KHDC4: variants seen among roughly 807,000 people sequenced by gnomAD.
KHDC4 encodes the protein KH homology domain-containing protein 4.
A neutral mutation model predicts 74.5 loss-of-function variants in KHDC4; 19 were observed. The ratio of observed to expected loss-of-function variants is 0.26; its 90% CI spans 0.18 to 0.37. The LOEUF is 0.37. KHDC4 is among the 10% of genes least tolerant of loss of function. The pLI, the probability that KHDC4 is intolerant of heterozygous loss-of-function variation, is 1.00. For synonymous variants in KHDC4, 253 were observed against 266.1 expected (o/e 0.95, Z 0.48); for missense variants, 632 against 754.1 (o/e 0.84, Z 1.90).
rs1446780464 is a variant in KHDC4, at chr1:155,913,798, C to T, written c.*323G>A. ...TTATGTCAGAACTGGGGCTATTCAC[C>T]TGGAAAAGGCTGACCAGGTCAAATG... On this transcript the variant is annotated 3_prime_UTR_variant, in exon 14 of 14. Transcript: ENST00000368321. The T allele has an allele frequency of 3.9e-6, 1 of 253,954 alleles. No homozygotes were observed. The highest frequency in any genetic ancestry group is 8.4e-5 in the East Asian group (1 of 11,922). The allele number at this position is 253,954 out of a possible 1,614,324, so 15.7% of individuals were successfully genotyped here.
rs1481339650 is a variant in KHDC4, at chr1:155,926,724, G to A, written c.633C>T (p.Ile211=). The A allele has an allele frequency of 5.6e-6, 9 of 1,614,058 alleles. No individual in the cohort carries two copies. Among genetic ancestry groups the A allele is most frequent in the African/African-American group, 1.3e-5 (1 of 74,916 alleles). Residue 211 remains isoleucine (I), a synonymous_variant, in exon 6 of 14, where the codon ATC becomes ATT. Transcript: ENST00000368321. ...GGCTAACAGCTGGAGACAACTGAGC[G>A]ATGGGTGCTGGCTGGTGATAGACAG... The part of the protein sequence containing the change: ...TVTVYHQPAP[I]AQLSPAVSQK...
At chr1:155,929,273 A>C (rs1475736059) in intron 4 of KHDC4, 23 bp downstream of exon 4, 2 of 1,565,476 alleles carry the variant, frequency 1.3e-6, no homozygotes, top group Non-Finnish European at 8.8e-7. Flanking sequence ...ACCCTTCCAT[A>C]AACAAGATAA....
intron 6 of KHDC4, 115 bp downstream of exon 6, chr1:155,926,560 AC>A: frequency 8.7e-7 from 1 of 1,151,776 alleles, no homozygotes; most frequent in South Asian, 1.3e-5. Context: ...CAAATGATCC[AC>A]CCACCTTGGC....
intron 11 of KHDC4, chr1:155,917,003 A>G (rs1189314025): frequency 3.4e-6 from 1 of 296,406 alleles, no homozygotes; most frequent in Admixed American, 4.6e-5. Context: ...ACTAGTTTCT[A>G]TAAACCTAGC....
chr1:155,915,040 T>C (rs1481703213), intron 13 of KHDC4: 1 of 152,202 alleles, frequency 6.6e-6, no homozygotes, highest in Non-Finnish European at 1.5e-5. Flanking sequence ...TTAAAACTAT[T>C]TTCTCTCTCT....
Position 155,926,698 on chromosome 1 carries a change from T to G in KHDC4, c.659A>C (p.Gln220Pro), listed in dbSNP as rs146761330. 3.1e-6 allele frequency: 5 copies of G among 1,614,096 alleles called. No individual in the cohort carries two copies. In the African/African-American group the frequency reaches 6.7e-5, roughly 22 times the overall value. Residue 220 changes from glutamine (Q) to proline (P), a missense_variant, in exon 6 of 14, where the codon CAG (glutamine) becomes CCG (proline). Physicochemically the swap from Gln to Pro is moderately conservative, Grantham distance 76. Around this residue, in one of 4 missense-constraint regions of KHDC4, gnomAD observed 233 missense variants for 342.6 expected, o/e 0.68. Transcript: ENST00000368321. ...TACCCCTGACTGGAAGGGAGGCTTCTGGCTAACAGCTGGAGACAACTGAGC... is the reference window on the plus strand; with the variant it reads ...TACCCCTGACTGGAAGGGAGGCTTCGGGCTAACAGCTGGAGACAACTGAGC... ...PIAQLSPAVS[Q>P]KPPFQSGMHY...
intron 8 of KHDC4, among the ~76,000 whole-genome samples, 166 bp downstream of exon 8, chr1:155,923,461 C>G (rs986852821): frequency 1.3e-5 from 2 of 152,206 alleles, no homozygotes; most frequent in Non-Finnish European, 2.9e-5. Context: ...ATTTCAGACT[C>G]TGCTTCCTGG....
At position 155,926,777 on chromosome 1, in the gene KHDC4, T is replaced by A. The variant is rs936754760; in HGVS notation, c.580A>T (p.Ser194Cys). Residue 194 changes from serine to cysteine, a missense_variant, in exon 6 of 14, where the codon AGT becomes TGT. Ser to Cys is a moderately radical substitution (Grantham distance 112). Transcript: ENST00000368321. ...ACTGTTGCACCATTAAAAGTTGGAC[T>A]TGTTCCTGTGGCAGCTTTTACCACT... ...NGVVKAATGTSPTFNGATVTV... is the reference protein window; with the variant it reads ...NGVVKAATGTCPTFNGATVTV... The A allele has an allele frequency of 4.3e-6, 7 of 1,614,206 alleles. No homozygotes were observed. Among genetic ancestry groups the A allele is most frequent in the Non-Finnish European group, 5.9e-6 (7 of 1,180,028 alleles).
At chr1:155,923,747 T>C (rs1194339169) in intron 7 of KHDC4, 60 bp from the exon 8 acceptor site, 1 of 1,289,860 alleles carries the variant, frequency 7.8e-7, no homozygotes, top group African/African-American at 1.5e-5. Context: ...TGCAGAATTC[T>C]GCTTTCATTT....
intron 4 of KHDC4, among the ~76,000 whole-genome samples, chr1:155,928,464 A>C (rs1209325009): frequency 6.6e-6 from 1 of 152,138 alleles, no homozygotes; most frequent in Non-Finnish European, 1.5e-5. Flanking sequence ...TAATGTTAAA[A>C]ATGTTGCATT....
intron 2 of KHDC4, among the ~76,000 whole-genome samples, chr1:155,930,606 G>A (rs1214098046): frequency 6.6e-6 from 1 of 152,156 alleles, no homozygotes; most frequent in Non-Finnish European, 1.5e-5. Flanking sequence ...TATACCTCAT[G>A]CATACAATAG....
chr1:155,924,910 C>A (rs1220184627), intron 7 of KHDC4, among the ~76,000 whole-genome samples: 4 of 151,724 alleles, frequency 2.6e-5, no homozygotes, highest in Non-Finnish European at 5.9e-5. Flanking sequence ...GTCACCCAGT[C>A]TGGAGTGCAG....
At chr1:155,920,154 T>C (rs942916065) in intron 10 of KHDC4, 4 of 287,816 alleles carry the variant, frequency 1.4e-5, no homozygotes, top group South Asian at 3.0e-5. Context: ...ATTTAAGAAA[T>C]TGTGGCCAGG....
At chr1:155,916,547 C>G in intron 12 of KHDC4, 78 bp downstream of exon 12, 1 of 930,668 alleles carries the variant, frequency 1.1e-6, no homozygotes, top group East Asian at 2.4e-5. Flanking sequence ...TACTTAAGCT[C>G]ATAGCAATGA....
At chr1:155,929,571 TG>T in intron 3 of KHDC4, 140 bp downstream of exon 3, 1 of 1,079,470 alleles carries the variant, frequency 9.3e-7, no homozygotes, top group South Asian at 1.6e-5. Context: ...TATCTTCCTC[TG>T]AAGTTAAATT....
At chr1:155,934,071 T>C (rs1020238689) in intron 1 of KHDC4, among the ~76,000 whole-genome samples, 2 of 152,044 alleles carry the variant, frequency 1.3e-5, no homozygotes, top group East Asian at 1.9e-4. Flanking sequence ...CTGTCACCTA[T>C]ATCGAAAGAC....
rs1177206406 is a variant in KHDC4, at chr1:155,925,637, G to A, written c.888C>T (p.Tyr296=). ...GREAFEPMYI[Y]ISHPKPEGLA... ...CCTGCCCTATCCATCCATACCTGATGTAAATATACATAGGTTCAAAAGCTT... is the reference window on the plus strand; with the variant it reads ...CCTGCCCTATCCATCCATACCTGATATAAATATACATAGGTTCAAAAGCTT... Residue 296 remains tyrosine (Y), a synonymous_variant, in exon 7 of 14, where the codon TAC becomes TAT. Transcript: ENST00000368321. The A allele has an allele frequency of 2.5e-6, 4 of 1,613,540 alleles. No individual in the cohort carries two copies. Among genetic ancestry groups the A allele is most frequent in the African/African-American group, 1.3e-5 (1 of 74,926 alleles).
In KHDC4 at chr1:155,921,582, T is replaced by C. The variant is rs749161002; in HGVS notation, c.1059A>G (p.Pro353=). The C allele has an allele frequency of 5.6e-6, 9 of 1,613,890 alleles. No individual in the cohort carries two copies. The highest frequency in any genetic ancestry group is 2.2e-5 in the East Asian group (1 of 44,898). ...ACTGATAGCCATTGGATGGATAATA[T>C]GGTGGTTGAGGAGGGACACTACTTA... is the stretch of plus-strand genomic sequence containing the variant. The part of the protein sequence containing the change: ...SAISSVPPQP[P]YYPSNGYQSG... Residue 353 remains proline, a synonymous_variant, in exon 10 of 14, where the codon CCA becomes CCG. Coordinates refer to ENST00000368321, the MANE Select transcript of KHDC4 (RefSeq NM_014949.4).
chr1:155,930,435 G>A (rs1385904297), intron 2 of KHDC4, among the ~76,000 whole-genome samples: 7 of 152,124 alleles, frequency 4.6e-5, no homozygotes, highest in African/African-American at 1.7e-4. Flanking sequence ...GGCCCTATGT[G>A]CATTTTTATG....
Sources: allele counts gnomAD v4.1 joint callset (sites outside exome capture counted in the v4.1 genomes callset), GRCh38; gene constraint gnomAD v4.1.1; regional missense constraint gnomAD v4.1.1; transcripts MANE v1.5; gene names NCBI Gene and HGNC (gene_info 2026-07-23, HGNC 2026-07-21).